Variants in MAP4 observed in about 807,000 individuals in gnomAD.
MAP4 encodes the protein microtubule-associated protein 4.
MAP4 carries 76 observed loss-of-function variants against 170.2 expected under a neutral mutation model. The observed-to-expected ratio is 0.45, with a 90% CI of 0.37 to 0.54. The LOEUF is 0.54. Among genes scored for constraint, MAP4 ranks in the 20% least tolerant of loss-of-function variants. The pLI is 0.00. For missense variants in MAP4, 2,506 were observed against 2,748.0 expected (o/e 0.91, Z 1.97); for synonymous variants, 909 against 994.5 (o/e 0.91, Z 1.62).
Position 47,912,027 on chromosome 3 carries a change from TTTAG to T in MAP4, c.2390_2393del (p.Pro797GlnfsTer34). 2 of 1,536,138 alleles carry T rather than the reference TTTAG, an allele frequency of 1.3e-6. No homozygotes were observed. Among genetic ancestry groups the T allele is most frequent in the South Asian group, 2.4e-5 (2 of 84,058 alleles). On this transcript the variant is annotated frameshift_variant, in exon 9 of 21. Transcript: ENST00000683076. LOFTEE classifies it high-confidence loss of function. ...GTGTGTCAGCTGCAAATGGATGACC[TTTAG>T]GCTTATCTGCATTGTCATCATCCGA...
At chr3:47,874,495 C>G (rs2094573049) in intron 12 of MAP4, among the ~76,000 whole-genome samples, 1 of 151,894 alleles carries the variant, frequency 6.6e-6, no homozygotes, top group Non-Finnish European at 1.5e-5. Context: ...AAAAAAAGTT[C>G]ATGTATATAC....
At chr3:48,003,593 A>C (rs933128933) in intron 1 of MAP4, among the ~76,000 whole-genome samples, 3 of 152,160 alleles carry the variant, frequency 2.0e-5, no homozygotes, top group Non-Finnish European at 4.4e-5. Context: ...TTTGGTTAAG[A>C]CCAGGAAGAG....
intron 10 of MAP4, among the ~76,000 whole-genome samples, chr3:47,894,152 GA>G (rs1290442882): frequency 6.6e-6 from 1 of 151,908 alleles, no homozygotes. Context: ...AACAATACAT[GA>G]CAAAGCACAA....
At chr3:47,891,106 CGTCT>C in intron 10 of MAP4, 1 of 1,536,274 alleles carries the variant, frequency 6.5e-7, no homozygotes. Flanking sequence ...CTGCCAGAGC[CGTCT>C]GTCCTGGCTG....
At chr3:47,878,288 T>G (rs1453740020) in intron 10 of MAP4, among the ~76,000 whole-genome samples, 2 of 151,840 alleles carry the variant, frequency 1.3e-5, no homozygotes, top group African/African-American at 4.8e-5. Context: ...AAAAACAAAA[T>G]AAGACAAAAC....
intron 3 of MAP4, among the ~76,000 whole-genome samples, chr3:47,964,382 G>A (rs2100073557): frequency 6.6e-6 from 1 of 152,192 alleles, no homozygotes; most frequent in Non-Finnish European, 1.5e-5. Context: ...GACAAACTGG[G>A]TGTGGGGTGT....
rs902364795 is a variant in MAP4, at chr3:47,912,347, G to A, written c.2074C>T (p.Arg692Trp). The change falls in exon 9 of 21, where the codon CGG becomes TGG. Residue 692 changes from arginine to tryptophan, a missense_variant. By Grantham distance (101) the Arg-to-Trp change is moderately radical. Coordinates refer to ENST00000683076, the MANE Select transcript of MAP4 (RefSeq NM_001385682.1). ...VCRPSDRRST[R>W]PKPARVPPEL... ...GGAGGGACCCTGGCAGGCTTGGGCC[G>A]GGTTGACCTGCGGTCACTGGGTCTG... is the stretch of plus-strand genomic sequence containing the variant. The A allele has an allele frequency of 4.9e-5, 75 of 1,535,718 alleles. No homozygotes were observed. Among genetic ancestry groups the A allele is most frequent in the African/African-American group, 5.5e-5 (4 of 73,030 alleles).
chr3:48,057,150 G>C (rs1328192392), intron 1 of MAP4, among the ~76,000 whole-genome samples: 1 of 151,446 alleles, frequency 6.6e-6, no homozygotes, highest in Non-Finnish European at 1.5e-5. Context: ...TGACAATGGC[G>C]GCTTTGTGGA....
At chr3:47,942,544 T>C (rs1052739216) in intron 3 of MAP4, among the ~76,000 whole-genome samples, 3 of 152,150 alleles carry the variant, frequency 2.0e-5, no homozygotes, top group Non-Finnish European at 4.4e-5. Context: ...TACAGGTACA[T>C]GCCACTGTGC....
rs532078235 is a variant in MAP4, at chr3:47,870,542, T to C, written c.6294+271A>G. Among the ~76,000 whole-genome samples the C allele has an allele frequency of 6.6e-5, 10 of 152,280 alleles. No individual in the cohort carries two copies. The East Asian group carries it at 1.9e-3, about 29-fold the overall frequency. On this transcript the variant is annotated intron_variant, in intron 15 of 20. Coordinates refer to ENST00000683076, the MANE Select transcript of MAP4 (RefSeq NM_001385682.1). Reference sequence around the variant, plus strand: ...CTGTTTCTTCTACAAAAGAATCCTTTTACATCCAAGCAAAAATGTAAACTC... The same window carrying C: ...CTGTTTCTTCTACAAAAGAATCCTTCTACATCCAAGCAAAAATGTAAACTC...
chr3:48,049,824 G>T (rs1048014733), intron 1 of MAP4, among the ~76,000 whole-genome samples: 1 of 151,632 alleles, frequency 6.6e-6, no homozygotes, highest in Non-Finnish European at 1.5e-5. Flanking sequence ...TGTAGTCCCA[G>T]CTACTCGGGA....
chr3:47,928,340 A>G lies in MAP4; in HGVS notation c.303T>C (p.Thr101=), dbSNP rs775406689. ...VEGSDTTGSP[T]EFLEEKMAYQ... is the part of the protein sequence containing the mutation. Reference sequence around the variant, plus strand: ...AGGCCATTTTCTCTTCAAGGAATTCAGTTGGAGACCCTTAAAATAGAGACA... The same window carrying G: ...AGGCCATTTTCTCTTCAAGGAATTCGGTTGGAGACCCTTAAAATAGAGACA... Residue 101 remains threonine, a synonymous_variant, in exon 4 of 21, where the codon ACT becomes ACC. Coordinates refer to ENST00000683076, the MANE Select transcript of MAP4 (RefSeq NM_001385682.1). 1.7e-5 allele frequency: 28 copies of G among 1,613,974 alleles called. No individual in the cohort carries two copies. In the Admixed American group the frequency reaches 4.7e-4, roughly 27 times the overall value.
chr3:47,882,561 C>A lies in MAP4; in HGVS notation c.5435-5038G>T, dbSNP rs2096926285. ...CTGTATAGTTTTCTTAGTGGTTGCT[C>A]TAGGTATTACAATATACATACAACA... On this transcript the variant is annotated intron_variant, in intron 10 of 20. Transcript: ENST00000683076. Among the ~76,000 whole-genome samples the A allele has an allele frequency of 2.0e-5, 3 of 151,916 alleles. No individual in the cohort carries two copies. The South Asian group carries it at 6.2e-4, about 32-fold the overall frequency.
At chr3:47,930,839 G>A (rs757182120) in intron 3 of MAP4, among the ~76,000 whole-genome samples, 3 of 150,856 alleles carry the variant, frequency 2.0e-5, no homozygotes, top group Non-Finnish European at 2.9e-5. Flanking sequence ...TGAGGCAGGA[G>A]AATGGCGTGA....
Position 47,857,521 on chromosome 3 carries a change from A to G in MAP4, c.6502-9T>C. Reference sequence around the variant, plus strand: ...TTGTTCTGAATCTGAACCTGAAGAGAAGGACACAAAAGACTCATTCAGAGA... The same window carrying G: ...TTGTTCTGAATCTGAACCTGAAGAGGAGGACACAAAAGACTCATTCAGAGA... On this transcript the variant is annotated splice_polypyrimidine_tract_variant and intron_variant, in intron 17 of 20. Coordinates refer to ENST00000683076, the MANE Select transcript of MAP4 (RefSeq NM_001385682.1). 3.1e-6 allele frequency: 5 copies of G among 1,589,426 alleles called. No homozygotes were observed. Among genetic ancestry groups the G allele is most frequent in the South Asian group, 1.1e-5 (1 of 90,560 alleles).
chr3:47,894,201 T>C lies in MAP4; in HGVS notation c.5434+8749A>G, dbSNP rs559276032. ...GGCAAGGAACCTGGTTTCCATACTC[T>C]ATGGCAAAGATCTTGCTAAGGAAAA... On this transcript the variant is annotated intron_variant, in intron 10 of 20. Coordinates refer to ENST00000683076, the MANE Select transcript of MAP4 (RefSeq NM_001385682.1). 2.7e-3 allele frequency among the ~76,000 whole-genome samples: 416 copies of C among 152,276 alleles called. 3 individuals carry two copies. The highest frequency in any genetic ancestry group is 6.6e-3 in the Admixed American group (101 of 15,286).
At chr3:47,901,128 CCT>C (rs1197119277) in intron 10 of MAP4, among the ~76,000 whole-genome samples, 4 of 152,306 alleles carry the variant, frequency 2.6e-5, no homozygotes, top group African/African-American at 9.6e-5. Flanking sequence ...TTCAGAGTCT[CCT>C]GTGTGAAGAT....
At chr3:47,936,641 C>G (rs966317530) in intron 3 of MAP4, among the ~76,000 whole-genome samples, 11 of 151,914 alleles carry the variant, frequency 7.2e-5, no homozygotes, top group African/African-American at 2.7e-4. Context: ...GAAAAGCAAT[C>G]TAAACCAAAA....
At chr3:48,013,620 CT>C (rs1407521156) in intron 1 of MAP4, 5 of 151,674 alleles carry the variant, frequency 3.3e-5, no homozygotes, top group Admixed American at 1.3e-4. Flanking sequence ...AATAAACCCC[CT>C]AAGACCCTCA....
Sources: allele counts gnomAD v4.1 joint callset (sites outside exome capture counted in the v4.1 genomes callset), GRCh38; gene constraint gnomAD v4.1.1; transcripts MANE v1.5; gene names NCBI Gene and HGNC (gene_info 2026-07-23, HGNC 2026-07-21).